GABRB3: variants seen among roughly 807,000 people sequenced by gnomAD.
GABRB3 encodes gamma-aminobutyric acid type A receptor subunit beta3.
GABRB3 carries 14 observed loss-of-function variants against 52.1 expected under a neutral mutation model. The observed-to-expected ratio is 0.27, with a 90% CI of 0.18 to 0.42. GABRB3 has a LOEUF of 0.42. Among genes scored for constraint, GABRB3 ranks in the 10% least tolerant of loss-of-function variants. GABRB3 has a pLI of 1.00. For synonymous variants in GABRB3, 260 were observed against 232.3 expected, an observed-to-expected ratio of 1.12 and a Z score of -1.08; for missense variants, 307 against 609.1, an observed-to-expected ratio of 0.50 and a Z score of 5.22.
At chr15:26,728,444 G>A (rs1889828179) in intron 3 of GABRB3, among the ~76,000 whole-genome samples, 1 of 152,140 alleles carries the variant, frequency 6.6e-6, no homozygotes, top group African/African-American at 2.4e-5. Context: ...TGGAGTGGAG[G>A]CAGTGACTAT....
At chr15:26,672,635 A>G (rs1008810229) in intron 3 of GABRB3, among the ~76,000 whole-genome samples, 1 of 152,046 alleles carries the variant, frequency 6.6e-6, no homozygotes, top group African/African-American at 2.4e-5. Flanking sequence ...CAGCCCCTGA[A>G]CCTAAGAGAG....
Position 26,546,648 on chromosome 15 carries a change from T to G in GABRB3, c.*1145A>C. The G allele has an allele frequency of 6.6e-6, 1 of 152,570 alleles. No individual in the cohort carries two copies. The highest frequency in any genetic ancestry group is 1.9e-4 in the East Asian group (1 of 5,196). 9.5% of individuals were successfully genotyped at this position (152,570 alleles called of 1,614,324 possible). On this transcript the variant is annotated 3_prime_UTR_variant, in exon 9 of 9. Transcript: ENST00000311550. ...TCTGAAATTGAACAGTAGAAGTGTT[T>G]TAGCTTCAATCTTAATTTCTAGATA...
At chr15:26,688,765 C>T (rs1888486200) in intron 3 of GABRB3, among the ~76,000 whole-genome samples, 1 of 152,156 alleles carries the variant, frequency 6.6e-6, no homozygotes, top group Non-Finnish European at 1.5e-5. Flanking sequence ...ATAAAGCTAG[C>T]CACTGACAGC....
intron 6 of GABRB3, among the ~76,000 whole-genome samples, chr15:26,568,115 G>A (rs796503021): frequency 2.6e-5 from 4 of 152,328 alleles, no homozygotes; most frequent in South Asian, 2.1e-4. Flanking sequence ...GGGCAAGAAA[G>A]GCTTTTACCA....
intron 3 of GABRB3, chr15:26,624,244 G>A (rs765737013): frequency 1.7e-5 from 17 of 985,568 alleles, no homozygotes; most frequent in Non-Finnish European, 2.0e-5. Context: ...GAACTGAGGC[G>A]TGCAAAGTTG....
intron 3 of GABRB3, among the ~76,000 whole-genome samples, chr15:26,736,727 T>TC (rs1595559192): frequency 6.6e-6 from 1 of 152,232 alleles, no homozygotes; most frequent in Non-Finnish European, 1.5e-5. Context: ...TAGAATGTGT[T>TC]CCATTTGCAC....
chr15:26,637,358 C>G (rs1893087666), intron 3 of GABRB3, among the ~76,000 whole-genome samples: 1 of 152,196 alleles, frequency 6.6e-6, no homozygotes, highest in East Asian at 1.9e-4. Flanking sequence ...TCCTCTTAAT[C>G]CTAATCATAC....
At chr15:26,596,091 A>G (rs1229416365) in intron 4 of GABRB3, among the ~76,000 whole-genome samples, 1 of 152,102 alleles carries the variant, frequency 6.6e-6, no homozygotes, top group Non-Finnish European at 1.5e-5. Flanking sequence ...GAACTACCCA[A>G]CATCAGGGTT....
chr15:26,584,985 A>C (rs1890927601), intron 4 of GABRB3, among the ~76,000 whole-genome samples: 1 of 152,208 alleles, frequency 6.6e-6, no homozygotes, highest in African/African-American at 2.4e-5. Context: ...GTGCATCTGC[A>C]AGGCCATGGT....
intron 6 of GABRB3, chr15:26,569,421 T>C (rs1000714235): frequency 2.0e-5 from 3 of 152,244 alleles, no homozygotes; most frequent in Admixed American, 6.5e-5. Flanking sequence ...CATGTCATCA[T>C]AGCATAATAA....
chr15:26,640,306 A>G (rs1893166121), intron 3 of GABRB3, among the ~76,000 whole-genome samples: 1 of 152,146 alleles, frequency 6.6e-6, no homozygotes, highest in Admixed American at 6.5e-5. Flanking sequence ...TCACGAGGTC[A>G]GGAGATCAAG....
At chr15:26,551,205 T>A (rs1298850770) in intron 8 of GABRB3, among the ~76,000 whole-genome samples, 3 of 152,164 alleles carry the variant, frequency 2.0e-5, no homozygotes, top group African/African-American at 7.2e-5. Flanking sequence ...TGTGAAAGAA[T>A]TTCAATTTAA....
chr15:26,711,681 C>G (rs1231239645), intron 3 of GABRB3, among the ~76,000 whole-genome samples: 1 of 152,184 alleles, frequency 6.6e-6, no homozygotes, highest in African/African-American at 2.4e-5. Flanking sequence ...GGGAACCAAC[C>G]TGAGCTCCTG....
chr15:26,773,230 C>A (rs905992691), upstream of GABRB3, among the ~76,000 whole-genome samples: 1 of 149,954 alleles, frequency 6.7e-6, no homozygotes, highest in African/African-American at 2.4e-5. Flanking sequence ...TGCCCTCCCC[C>A]ACGCTCGCCT....
intron 3 of GABRB3, among the ~76,000 whole-genome samples, chr15:26,659,061 C>T (rs1887461400): frequency 6.6e-6 from 1 of 152,172 alleles, no homozygotes; most frequent in Non-Finnish European, 1.5e-5. Flanking sequence ...GCTCTTGCGA[C>T]CAAGGGGTAA....
chr15:26,628,587 C>A (rs530396900), intron 3 of GABRB3, among the ~76,000 whole-genome samples: 5 of 152,128 alleles, frequency 3.3e-5, no homozygotes, highest in African/African-American at 1.2e-4. Flanking sequence ...AAGGGAAGGG[C>A]GGCTGCCCCT....
At chr15:26,565,681 A>C (rs1002604368) in intron 7 of GABRB3, among the ~76,000 whole-genome samples, 65 of 152,328 alleles carry the variant, frequency 4.3e-4, no homozygotes, top group African/African-American at 1.5e-3. Flanking sequence ...GCAATACTTT[A>C]CAATTAGGGA....
intron 3 of GABRB3, among the ~76,000 whole-genome samples, chr15:26,625,982 T>C (rs1892676685): frequency 6.6e-6 from 1 of 152,222 alleles, no homozygotes; most frequent in Non-Finnish European, 1.5e-5. Context: ...TCACAGATAC[T>C]GCATTTTTAA....
At chr15:26,584,600 T>C (rs1374294516) in intron 4 of GABRB3, among the ~76,000 whole-genome samples, 16 of 152,200 alleles carry the variant, frequency 1.1e-4, no homozygotes, top group Non-Finnish European at 2.4e-4. Flanking sequence ...TGGAAATAAT[T>C]ACTTCCCAAA....
Sources: gnomAD v4.1 joint callset for allele counts (sites outside exome capture counted in the v4.1 genomes callset) on GRCh38, gnomAD v4.1.1 for gene constraint, MANE v1.5 for transcripts, NCBI Gene and HGNC (gene_info 2026-07-23, HGNC 2026-07-21) for gene names.